Variants in INO80 observed in about 807,000 individuals in gnomAD.
INO80 encodes INO80 complex ATPase subunit, also known as chromatin-remodeling ATPase INO80.
Under a neutral mutation model 203.4 loss-of-function variants are expected in INO80, and 20 were observed. The ratio of observed to expected loss-of-function variants is 0.10; its 90% CI spans 0.07 to 0.14. INO80 has a LOEUF of 0.14. Among genes scored for constraint, INO80 ranks in the 10% least tolerant of loss-of-function variants. The pLI is 1.00. For missense variants in INO80, 1,419 were observed against 1,914.4 expected, an observed-to-expected ratio of 0.74 and a Z score of 4.83; for synonymous variants, 726 against 685.2, an observed-to-expected ratio of 1.06 and a Z score of -0.93.
At chr15:40,983,304 T>C in intron 34 of INO80, 1 of 540,742 alleles carries the variant, frequency 1.8e-6, no homozygotes, top group South Asian at 2.2e-5. Context: ...TGCTTTTCAT[T>C]CTGAAGAGCA....
intron 28 of INO80, 147 bp downstream of exon 28, chr15:41,005,446 T>C: frequency 1.7e-6 from 1 of 575,664 alleles, no homozygotes; most frequent in Non-Finnish European, 3.1e-6. Flanking sequence ...ATAAGCAGAT[T>C]TAGTAACTTC....
At chr15:41,001,277 C>T (rs2043955326) in intron 28 of INO80, among the ~76,000 whole-genome samples, 1 of 152,168 alleles carries the variant, frequency 6.6e-6, no homozygotes, top group Admixed American at 6.5e-5. Flanking sequence ...GACTAGGCAT[C>T]TGGCTGGTCT....
chr15:41,073,454 T>C lies in INO80; in HGVS notation c.1369A>G (p.Asn457Asp). 6.2e-7 allele frequency: 1 copy of C among 1,614,118 alleles called. No individual in the cohort carries two copies. Among genetic ancestry groups the C allele is most frequent in the South Asian group, 1.1e-5 (1 of 91,090 alleles). Residue 457 changes from asparagine (N) to aspartate (D), a missense_variant, in exon 11 of 36, where the codon AAT becomes GAT. Around this residue, in one of 9 missense-constraint regions of INO80, gnomAD observed 116 missense variants for 119.5 expected, o/e 0.97. Transcript: ENST00000648947. ...FKAQALKNAE[N>D]AYHIHQARTR... Reference sequence around the variant, plus strand: ...CGAGCTTGGTGAATATGGTAAGCATTTTCAGCATTCTTCAGGGCCTGGGCT... The same window carrying C: ...CGAGCTTGGTGAATATGGTAAGCATCTTCAGCATTCTTCAGGGCCTGGGCT...
At chr15:41,001,103 A>G (rs1055101053) in intron 28 of INO80, among the ~76,000 whole-genome samples, 15 of 152,246 alleles carry the variant, frequency 9.9e-5, no homozygotes, top group Admixed American at 7.2e-4. Flanking sequence ...GTTCCTTTCT[A>G]CTGAATAACG....
At chr15:41,005,778 A>G (rs988214825) in intron 27 of INO80, 91 bp from the exon 28 acceptor site, 2 of 655,790 alleles carry the variant, frequency 3.0e-6, no homozygotes, top group East Asian at 5.8e-5. Context: ...TACCTTGTCC[A>G]CACTGGAGGC....
intron 7 of INO80, among the ~76,000 whole-genome samples, chr15:41,084,604 T>C (rs2045531918): frequency 6.6e-6 from 1 of 152,094 alleles, no homozygotes; most frequent in Non-Finnish European, 1.5e-5. Flanking sequence ...CCAAATGAAT[T>C]AAGAGGAAAA....
At chr15:40,995,946 C>A (rs962113749) in intron 29 of INO80, among the ~76,000 whole-genome samples, 1 of 152,256 alleles carries the variant, frequency 6.6e-6, no homozygotes. Flanking sequence ...CAGGCGCTGA[C>A]GTCTTGCCGT....
At chr15:41,111,305 G>A (rs1307365683) in intron 1 of INO80, among the ~76,000 whole-genome samples, 1 of 152,184 alleles carries the variant, frequency 6.6e-6, no homozygotes, top group Non-Finnish European at 1.5e-5. Context: ...AATTAGCTGG[G>A]TGTGGTGGCA....
intron 12 of INO80, among the ~76,000 whole-genome samples, 181 bp from the exon 13 acceptor site, chr15:41,070,728 T>C (rs2045296033): frequency 6.6e-6 from 1 of 152,216 alleles, no homozygotes. Context: ...CAGCTACAAC[T>C]ATGAACCATG....
In INO80 at chr15:40,983,883, G is replaced by C. The variant is rs893040598; in HGVS notation, c.4116C>G (p.Pro1372=). The change falls in exon 34 of 36, where the codon CCC becomes CCG. Residue 1372 remains proline, a synonymous_variant. Coordinates refer to ENST00000648947, the MANE Select transcript of INO80 (RefSeq NM_017553.3). ...ISSELHTGSI[P]LDESSSDMLV... ...GCATGTCACTGCTGCTCTCGTCCAG[G>C]GGAATGGAGCCAGTGTGCAGCTCAC... is the stretch of plus-strand genomic sequence containing the variant. 1 of 1,613,506 alleles carries C rather than the reference G, an allele frequency of 6.2e-7. No homozygotes were observed. Among genetic ancestry groups the C allele is most frequent in the Non-Finnish European group, 8.5e-7 (1 of 1,179,996 alleles).
chr15:40,990,152 G>A (rs543497582), intron 29 of INO80, among the ~76,000 whole-genome samples: 2 of 151,830 alleles, frequency 1.3e-5, no homozygotes, highest in Admixed American at 6.6e-5. Flanking sequence ...CATCTTACAA[G>A]CAAGGAAGAG....
intron 23 of INO80, 72 bp from the exon 24 acceptor site, chr15:41,045,147 G>A (rs1281059311): frequency 2.5e-5 from 29 of 1,168,602 alleles, no homozygotes; most frequent in Non-Finnish European, 3.4e-5. Flanking sequence ...TAGCAGCAAG[G>A]ATTGTCTCTC....
At chr15:41,006,150 A>G (rs1293398752) in intron 27 of INO80, among the ~76,000 whole-genome samples, 2 of 152,096 alleles carry the variant, frequency 1.3e-5, no homozygotes, top group Non-Finnish European at 2.9e-5. Context: ...CCTTCTCCCA[A>G]CAGAGCATGC....
intron 8 of INO80, 116 bp from the exon 9 acceptor site, chr15:41,080,020 C>T (rs2045462435): frequency 1.2e-6 from 1 of 830,302 alleles, no homozygotes; most frequent in African/African-American, 1.7e-5. Context: ...TCCTTGACCA[C>T]ATCTTTCTCC....
chr15:41,020,054 T>A (rs1472221797), intron 26 of INO80, among the ~76,000 whole-genome samples: 1 of 152,058 alleles, frequency 6.6e-6, no homozygotes, highest in East Asian at 1.9e-4. Context: ...ACCCCATGTC[T>A]ACTAAAAATA....
intron 14 of INO80, among the ~76,000 whole-genome samples, chr15:41,066,784 C>T (rs1203555936): frequency 1.5e-5 from 2 of 133,848 alleles, no homozygotes; most frequent in Non-Finnish European, 3.1e-5. Context: ...GCTATGATCA[C>T]GTCTCAGCAC....
In INO80 at chr15:40,985,387, G is replaced by C. The variant is rs1243775299; in HGVS notation, c.3872C>G (p.Thr1291Ser). The C allele has an allele frequency of 1.2e-6, 2 of 1,613,958 alleles. No individual in the cohort carries two copies. The highest frequency in any genetic ancestry group is 2.2e-5 in the East Asian group (1 of 44,874). ...RQEEKRQQEE[T>S]NRVKERKRKR... The stretch of plus-strand genomic sequence containing the variant: ...CCGCTTGCGCTCTTTCACTCGGTTG[G>C]TTTCCTCCTGTTGCCGTTTCTCTTC... Residue 1291 changes from threonine to serine, a missense_variant, in exon 32 of 36, where the codon ACC (threonine) becomes AGC (serine). This residue lies in a region of INO80 where 214 missense variants were observed against 248.9 expected (regional missense o/e 0.86). Transcript: ENST00000648947.
intron 14 of INO80, among the ~76,000 whole-genome samples, chr15:41,063,765 C>T (rs1466427921): frequency 1.3e-5 from 2 of 151,734 alleles, no homozygotes; most frequent in East Asian, 3.9e-4. Flanking sequence ...TAGACTCCGT[C>T]TCAAAAAGAG....
At chr15:41,066,274 G>A (rs975779658) in intron 14 of INO80, among the ~76,000 whole-genome samples, 2 of 151,872 alleles carry the variant, frequency 1.3e-5, no homozygotes, top group African/African-American at 2.4e-5. Context: ...CACCGCACCC[G>A]GCCCATTTTT....
Sources: gnomAD v4.1 joint callset for allele counts (sites outside exome capture counted in the v4.1 genomes callset) on GRCh38, gnomAD v4.1.1 for gene constraint, gnomAD v4.1.1 regional missense constraint, MANE v1.5 for transcripts, NCBI Gene and HGNC (gene_info 2026-07-23, HGNC 2026-07-21) for gene names.